LMO7: variants seen among roughly 807,000 people sequenced by gnomAD.
LMO7 encodes the protein LIM domain 7, also known as LIM domain only protein 7.
In LMO7, 120 loss-of-function variants were observed where a neutral mutation model predicts 206.5. The observed-to-expected ratio is 0.58, with a 90% CI of 0.50 to 0.68. LMO7 has a LOEUF of 0.68. LMO7 is among the 30% of genes least tolerant of loss of function. LMO7 has a pLI of 0.00. For missense variants in LMO7, 1,959 were observed against 1,957.9 expected (o/e 1.00, Z -0.01); for synonymous variants, 706 against 681.5 (o/e 1.04, Z -0.56).
chr13:75,637,701 A>T (rs1593972603), intron 1 of LMO7, among the ~76,000 whole-genome samples: 1 of 152,266 alleles, frequency 6.6e-6, no homozygotes, highest in African/African-American at 2.4e-5. Context: ...TACATGTTTA[A>T]GAATTCCAAA....
chr13:75,698,943 C>T (rs2042086492), intron 1 of LMO7, among the ~76,000 whole-genome samples: 1 of 152,132 alleles, frequency 6.6e-6, no homozygotes, highest in African/African-American at 2.4e-5. Context: ...CCAAAGAAAA[C>T]ATGTATTCAT....
At position 75,834,220 on chromosome 13, in the gene LMO7, T is replaced by C; in HGVS notation, c.3065-6T>C. 1 of 1,570,258 alleles carries C rather than the reference T, an allele frequency of 6.4e-7. No homozygotes were observed. The highest frequency in any genetic ancestry group is 8.6e-7 in the Non-Finnish European group (1 of 1,157,390). ...CCCAATTGGTTAATTTATTTTGCAT[T>C]TTTAGGTAGCCCAGCAGAATTTTCT... On this transcript the variant is annotated splice_polypyrimidine_tract_variant and splice_region_variant and intron_variant, in intron 16 of 30. Transcript: ENST00000377534.
intron 1 of LMO7, among the ~76,000 whole-genome samples, chr13:75,674,113 A>T (rs932691247): frequency 2.6e-5 from 4 of 152,252 alleles, no homozygotes; most frequent in African/African-American, 9.6e-5. Context: ...ATTTGAATAC[A>T]TGACTTAATG....
At chr13:75,643,309 A>G (rs1221858396) in intron 1 of LMO7, among the ~76,000 whole-genome samples, 1 of 152,238 alleles carries the variant, frequency 6.6e-6, no homozygotes, top group African/African-American at 2.4e-5. Context: ...TGTGAATGCT[A>G]GTTAAGAAAA....
chr13:75,697,822 T>G (rs1353336061), intron 1 of LMO7, among the ~76,000 whole-genome samples: 1 of 152,236 alleles, frequency 6.6e-6, no homozygotes, highest in African/African-American at 2.4e-5. Flanking sequence ...ATTGTAGAGC[T>G]GTCAGTGTAT....
intron 15 of LMO7, among the ~76,000 whole-genome samples, chr13:75,830,521 C>T (rs74813508): frequency 0.012 from 1,806 of 152,290 alleles, 21 homozygotes; most frequent in Middle Eastern, 0.051. Context: ...CCTGTAATTG[C>T]CCATGTGGTC....
intron 1 of LMO7, among the ~76,000 whole-genome samples, chr13:75,659,334 A>G (rs552391805): frequency 1.4e-4 from 22 of 152,344 alleles, no homozygotes; most frequent in African/African-American, 5.3e-4. Flanking sequence ...GTGGTGAAAT[A>G]CAGTGGCAGA....
chr13:75,762,866 C>T (rs2048371945), intron 4 of LMO7, among the ~76,000 whole-genome samples: 1 of 152,108 alleles, frequency 6.6e-6, no homozygotes, highest in African/African-American at 2.4e-5. Context: ...CCTGGGTATG[C>T]TGCAGTGGAA....
At chr13:75,662,359 C>G (rs773191213) in intron 1 of LMO7, among the ~76,000 whole-genome samples, 2 of 152,152 alleles carry the variant, frequency 1.3e-5, no homozygotes, top group Non-Finnish European at 2.9e-5. Flanking sequence ...CACTCTGTCA[C>G]CCAGGCTGGA....
At chr13:75,788,013 A>G (rs945475567) in intron 4 of LMO7, among the ~76,000 whole-genome samples, 37 of 152,226 alleles carry the variant, frequency 2.4e-4, no homozygotes, top group African/African-American at 8.7e-4. Flanking sequence ...TCATAGAACA[A>G]TAGAACTTCA....
chr13:75,737,789 A>AT (rs1594654210), intron 3 of LMO7, among the ~76,000 whole-genome samples: 1 of 129,906 alleles, frequency 7.7e-6, no homozygotes, highest in Admixed American at 7.4e-5. Flanking sequence ...AAATAAAAAA[A>AT]AAAAAAAAAA....
chr13:75,733,450 C>G (rs1235032858), intron 3 of LMO7, among the ~76,000 whole-genome samples: 3 of 152,234 alleles, frequency 2.0e-5, no homozygotes, highest in South Asian at 2.1e-4. Context: ...ATATAATCTC[C>G]TGGTGCGCCG....
chr13:75,763,450 A>G (rs910559691), intron 4 of LMO7, among the ~76,000 whole-genome samples: 2 of 152,172 alleles, frequency 1.3e-5, no homozygotes, highest in South Asian at 2.1e-4. Flanking sequence ...TTATATACAG[A>G]CATAATTTAT....
chr13:75,800,779 A>G lies in LMO7; in HGVS notation c.558A>G (p.Pro186=), dbSNP rs1452413495. The G allele has an allele frequency of 6.2e-7, 1 of 1,614,174 alleles. No homozygotes were observed. The highest frequency in any genetic ancestry group is 1.3e-5 in the African/African-American group (1 of 75,060). The change falls in exon 7 of 31, where the codon CCA becomes CCG. Residue 186 remains proline (P), a synonymous_variant. Transcript: ENST00000377534. The stretch of plus-strand genomic sequence containing the variant: ...AACGTGGAGAATTTCTTGCTCCTCC[A>G]AGGCACCATAAGAGAGAAGATTCCT... ...CPERGEFLAP[P]RHHKREDSFE...
intron 1 of LMO7, among the ~76,000 whole-genome samples, chr13:75,681,746 ATATG>A (rs1208123052): frequency 2.2e-5 from 3 of 139,324 alleles, no homozygotes; most frequent in African/African-American, 7.7e-5. Flanking sequence ...ATATATATAT[ATATG>A]GAATCTTATT....
intron 4 of LMO7, among the ~76,000 whole-genome samples, chr13:75,792,604 T>C (rs1276586201): frequency 1.3e-5 from 2 of 152,206 alleles, no homozygotes; most frequent in East Asian, 1.9e-4. Context: ...CCCTTCACCA[T>C]TGCAGTAGTT....
chr13:75,716,261 A>G (rs562099330), intron 2 of LMO7, among the ~76,000 whole-genome samples: 8 of 152,336 alleles, frequency 5.3e-5, no homozygotes, highest in South Asian at 4.1e-4. Flanking sequence ...CTTTCACCCA[A>G]TTGGAAGTGT....
chr13:75,845,987 T>A (rs1295293483), intron 26 of LMO7, among the ~76,000 whole-genome samples: 2 of 152,120 alleles, frequency 1.3e-5, no homozygotes, highest in Non-Finnish European at 2.9e-5. Context: ...AAGGTCCAGG[T>A]AGGGCTGAGG....
intron 1 of LMO7, among the ~76,000 whole-genome samples, chr13:75,653,795 C>G (rs1398957724): frequency 6.6e-6 from 1 of 152,188 alleles, no homozygotes. Flanking sequence ...CTTACACTTG[C>G]AATTCTGGTA....
Sources: gnomAD v4.1 joint callset for allele counts (sites outside exome capture counted in the v4.1 genomes callset) on GRCh38, gnomAD v4.1.1 for gene constraint, MANE v1.5 for transcripts, NCBI Gene and HGNC (gene_info 2026-07-23, HGNC 2026-07-21) for gene names.